The following RAP1GDS1 variants were observed in gnomAD, a reference collection of about 807,000 sequenced individuals.
RAP1GDS1 encodes RAP1, GTP-GDP dissociation stimulator 1.
RAP1GDS1 carries 35 observed loss-of-function variants against 71.1 expected under a neutral mutation model. The ratio of observed to expected loss-of-function variants is 0.49; its 90% CI spans 0.38 to 0.65. RAP1GDS1 has a LOEUF of 0.65. Among genes scored for constraint, RAP1GDS1 ranks in the 30% least tolerant of loss-of-function variants. The pLI, the probability that RAP1GDS1 is intolerant of heterozygous loss-of-function variation, is 0.00. For missense variants in RAP1GDS1, 663 were observed against 706.1 expected (o/e 0.94, Z 0.69); for synonymous variants, 229 against 243.1 (o/e 0.94, Z 0.54).
At chr4:98,284,685 C>G (rs149660258) in intron 1 of RAP1GDS1, among the ~76,000 whole-genome samples, 13 of 152,292 alleles carry the variant, frequency 8.5e-5, no homozygotes, top group African/African-American at 3.1e-4. Context: ...TGCCATGTGA[C>G]TTTCCTAGCT....
intron 8 of RAP1GDS1, 140 bp downstream of exon 8, chr4:98,417,028 A>T: frequency 1.0e-6 from 1 of 993,192 alleles, no homozygotes. Flanking sequence ...TTGACATCTT[A>T]AACATGCCAT....
At chr4:98,321,219 G>GA (rs1010168426) in intron 2 of RAP1GDS1, among the ~76,000 whole-genome samples, 18 of 142,978 alleles carry the variant, frequency 1.3e-4, no homozygotes, top group Non-Finnish European at 2.3e-4. Context: ...GAAGTTTAGA[G>GA]AAAAAAGAAT....
In RAP1GDS1 at chr4:98,343,124, A is replaced by G. The variant is rs201413789; in HGVS notation, c.113-15A>G. ...AAAGATTTTCACTGAAGCTCTTTGT[A>G]TGTATCTCTTTTAGATACGGAAACA... On this transcript the variant is annotated splice_polypyrimidine_tract_variant and intron_variant, in intron 2 of 14. Coordinates refer to ENST00000408927, the MANE Select transcript of RAP1GDS1 (RefSeq NM_001100427.2). The G allele has an allele frequency of 7.5e-6, 12 of 1,598,194 alleles. No individual in the cohort carries two copies. Among genetic ancestry groups the G allele is most frequent in the African/African-American group, 5.4e-5 (4 of 74,138 alleles).
intron 5 of RAP1GDS1, among the ~76,000 whole-genome samples, chr4:98,390,997 A>C (rs1464018294): frequency 6.6e-6 from 1 of 152,140 alleles, no homozygotes; most frequent in Non-Finnish European, 1.5e-5. Context: ...AATGAGAAAA[A>C]AATTTTTGAA....
intron 14 of RAP1GDS1, among the ~76,000 whole-genome samples, chr4:98,437,921 T>C (rs1751370738): frequency 1.3e-5 from 2 of 152,188 alleles, no homozygotes. Flanking sequence ...GGTACTGTTG[T>C]ATAAATGTGA....
At chr4:98,420,370 A>G (rs1453517273) in intron 11 of RAP1GDS1, among the ~76,000 whole-genome samples, 5 of 148,782 alleles carry the variant, frequency 3.4e-5, no homozygotes, top group African/African-American at 5.0e-5. Context: ...TTATTTGTTT[A>G]TTTATTTATT....
At chr4:98,319,778 CAAAAAAA>C (rs35696332) in intron 2 of RAP1GDS1, among the ~76,000 whole-genome samples, 2 of 79,216 alleles carry the variant, frequency 2.5e-5, no homozygotes, top group East Asian at 3.6e-4. Context: ...GAGAATGTCT[CAAAAAAA>C]AAAAAAAAAA....
intron 7 of RAP1GDS1, 21 bp downstream of exon 7, chr4:98,404,623 T>G: frequency 1.3e-6 from 2 of 1,593,632 alleles, no homozygotes; most frequent in Non-Finnish European, 1.7e-6. Flanking sequence ...TAAATGCACC[T>G]TTGGATTTTT....
intron 4 of RAP1GDS1, among the ~76,000 whole-genome samples, chr4:98,356,227 C>G (rs1273364755): frequency 1.3e-5 from 2 of 152,032 alleles, no homozygotes; most frequent in Non-Finnish European, 1.5e-5. Context: ...TATTATATTT[C>G]AGAAATGCAT....
At chr4:98,414,756 G>A (rs768516337) in intron 7 of RAP1GDS1, among the ~76,000 whole-genome samples, 95 of 152,026 alleles carry the variant, frequency 6.2e-4, no homozygotes, top group Non-Finnish European at 1.0e-3. Context: ...TGTGAAGAAA[G>A]TCATTGGTAG....
intron 1 of RAP1GDS1, among the ~76,000 whole-genome samples, chr4:98,293,034 G>A (rs1158204950): frequency 6.6e-6 from 1 of 152,058 alleles, no homozygotes; most frequent in East Asian, 1.9e-4. Flanking sequence ...AACAGAGGAA[G>A]TGAACAATGA....
rs775848260 is a variant in RAP1GDS1 at position 98,361,216 on chromosome 4, T to C, written c.361+8615T>C. Among the ~76,000 whole-genome samples the C allele has an allele frequency of 9.9e-5, 15 of 151,838 alleles. No homozygotes were observed. The South Asian group carries it at 1.0e-3, about 11-fold the overall frequency. ...ATGCATTTGCTCTCACACACACACA[T>C]ATATATATACATATATATATAGTCT... On this transcript the variant is annotated intron_variant, in intron 4 of 14. Coordinates refer to ENST00000408927, the MANE Select transcript of RAP1GDS1 (RefSeq NM_001100427.2).
Position 98,282,726 on chromosome 4 carries a change from A to G in RAP1GDS1, c.5-10682A>G, listed in dbSNP as rs147104163. Among the ~76,000 whole-genome samples, 556 of 151,972 alleles carry G rather than the reference A, an allele frequency of 3.7e-3. 4 individuals are homozygous for G. The highest frequency in any genetic ancestry group is 0.012 in the African/African-American group (514 of 41,434). ...ATTGTGATGTTAGAATGTCTATTTTAGATCTTTCCTGCTTTCCCTTGTGGG... is the reference window on the plus strand; with the variant it reads ...ATTGTGATGTTAGAATGTCTATTTTGGATCTTTCCTGCTTTCCCTTGTGGG... On this transcript the variant is annotated intron_variant, in intron 1 of 14. Transcript: ENST00000408927.
At chr4:98,289,520 AG>A (rs778401084) in intron 1 of RAP1GDS1, among the ~76,000 whole-genome samples, 5 of 150,314 alleles carry the variant, frequency 3.3e-5, no homozygotes, top group Non-Finnish European at 7.4e-5. Context: ...GAGTTGTAAA[AG>A]TTTCTGATCG....
intron 14 of RAP1GDS1, among the ~76,000 whole-genome samples, chr4:98,439,542 C>A (rs1751623271): frequency 6.6e-6 from 1 of 152,192 alleles, no homozygotes; most frequent in Non-Finnish European, 1.5e-5. Flanking sequence ...CCTTTGTTGA[C>A]ACTAATGTGA....
At chr4:98,424,246 C>A (rs990445455) in intron 12 of RAP1GDS1, among the ~76,000 whole-genome samples, 1 of 152,100 alleles carries the variant, frequency 6.6e-6, no homozygotes, top group Non-Finnish European at 1.5e-5. Context: ...TCTTTGGAGT[C>A]ATTACCCTTA....
intron 2 of RAP1GDS1, among the ~76,000 whole-genome samples, chr4:98,299,749 T>C (rs1287385128): frequency 6.6e-6 from 1 of 151,644 alleles, no homozygotes; most frequent in Non-Finnish European, 1.5e-5. Context: ...ATTCTTCTGC[T>C]TCAGCCTCCC....
intron 1 of RAP1GDS1, among the ~76,000 whole-genome samples, chr4:98,281,900 A>G (rs1725164065): frequency 1.3e-5 from 2 of 152,062 alleles, no homozygotes; most frequent in Non-Finnish European, 2.9e-5. Flanking sequence ...TGTTTATGTG[A>G]TGAATTACAT....
chr4:98,281,609 T>C (rs1725115283), intron 1 of RAP1GDS1, among the ~76,000 whole-genome samples: 1 of 152,164 alleles, frequency 6.6e-6, no homozygotes, highest in African/African-American at 2.4e-5. Flanking sequence ...TTTCTTTCTC[T>C]TGCCTGACTG....
Sources: allele counts gnomAD v4.1 joint callset (sites outside exome capture counted in the v4.1 genomes callset), GRCh38; gene constraint gnomAD v4.1.1; transcripts MANE v1.5; gene names NCBI Gene and HGNC (gene_info 2026-07-23, HGNC 2026-07-21).